Variants in CRIP1 observed in about 807,000 individuals in gnomAD.
CRIP1 encodes cysteine rich protein 1.
A neutral mutation model predicts 12.9 loss-of-function variants in CRIP1; 11 were observed. The ratio of observed to expected loss-of-function variants is 0.86; its 90% confidence interval spans 0.54 to 1.42. The LOEUF is 1.42. Among genes scored for constraint, CRIP1 ranks in the 40% most tolerant of loss-of-function variants. The pLI, the probability that CRIP1 is intolerant of heterozygous loss-of-function variation, is 0.00. For synonymous variants in CRIP1, 41 were observed against 37.2 expected (o/e 1.10, Z -0.37); for missense variants, 122 against 101.3 (o/e 1.20, Z -0.88).
Position 105,488,510 on chromosome 14 carries a change from A to G in CRIP1, c.233A>G (p.Ter78=), listed in dbSNP as rs782637357. The G allele has an allele frequency of 3.1e-6, 5 of 1,594,632 alleles. No homozygotes were observed. In the Admixed American group the frequency reaches 6.7e-5, roughly 21 times the overall value. The change falls in exon 5 of 6, where the codon TAA becomes TGA. Residue 78 remains the stop codon, a stop_retained_variant. Coordinates refer to ENST00000392531, the MANE Select transcript of CRIP1 (RefSeq NM_001311.5). ...GGAGCCGAGAGCCACACTTTCAAGT[A>G]AACCAGGTAGGTAGGACCCCACCCC... is the stretch of plus-strand genomic sequence containing the variant. ...RGGAESHTFK[*]
At position 105,487,244 on chromosome 14, in the gene CRIP1, C is replaced by G. The variant is rs904692807; in HGVS notation, c.-16C>G. ...CCGCCCCAGCCGCTGCCGCCTGCAC[C>G]GGACCCGGAGCCGTCATGCCCAAGT... On this transcript the variant is annotated 5_prime_UTR_variant, in exon 2 of 6. Coordinates refer to ENST00000392531, the MANE Select transcript of CRIP1 (RefSeq NM_001311.5). 12 of 1,543,756 alleles carry G rather than the reference C, an allele frequency of 7.8e-6. No homozygotes were observed. The highest frequency in any genetic ancestry group is 2.4e-5 in the South Asian group (2 of 83,324).
intron 1 of CRIP1, 23 bp downstream of exon 1, chr14:105,486,995 C>T: frequency 2.6e-6 from 3 of 1,146,236 alleles, no homozygotes; most frequent in Non-Finnish European, 3.1e-6. Context: ...GGCCCCCTGC[C>T]CCCCCGCGCT....
chr14:105,486,987 C>T lies in CRIP1; in HGVS notation c.-62+15C>T, dbSNP rs7160340. 0.95 allele frequency: 1,209,228 copies of T among 1,268,916 alleles called. 586,059 individuals carry two copies. Among genetic ancestry groups the T allele is most frequent in the East Asian group, 1 (29,956 of 30,052 alleles). The allele number at this position is 1,268,916 out of a possible 1,614,324, so 78.6% of individuals were successfully genotyped here. A position where few individuals can be genotyped will look rare whatever the true frequency, so the allele number is the denominator to read the frequency against. ...GCGCCCTCTCAGTAAGTCCCCATGG[C>T]CCCCTGCCCCCCCGCGCTCCGTCCT... On this transcript the variant is annotated intron_variant, in intron 1 of 5. Coordinates refer to ENST00000392531, the MANE Select transcript of CRIP1 (RefSeq NM_001311.5).
rs2084137385 is a variant in CRIP1, at chr14:105,487,921, G to A, written c.41-245G>A. The A allele has an allele frequency of 1.7e-5, 9 of 538,682 alleles. 1 individual carries two copies. In the South Asian group the frequency reaches 1.8e-4, roughly 11 times the overall value. 33.4% of individuals were successfully genotyped at this position (538,682 alleles called of 1,614,324 possible). ...CCAGCCTTCAGGAGCAAGATTCCCG[G>A]CCGCACCCGAAAGTGCCCCGGGGAC... On this transcript the variant is annotated intron_variant, in intron 2 of 5. Transcript: ENST00000392531.
Position 105,488,207 on chromosome 14 carries a change from T to C in CRIP1, c.82T>C (p.Cys28Arg). The C allele has an allele frequency of 3.7e-6, 6 of 1,613,286 alleles. No homozygotes were observed. Among genetic ancestry groups the C allele is most frequent in the Non-Finnish European group, 5.1e-6 (6 of 1,180,012 alleles). The change falls in exon 3 of 6, where the codon TGC becomes CGC. Residue 28 changes from cysteine to arginine, a missense_variant. Coordinates refer to ENST00000392531, the MANE Select transcript of CRIP1 (RefSeq NM_001311.5). Reference protein sequence around the residue: ...TSLGKDWHRPCLKCEKCGKTL... With the variant: ...TSLGKDWHRPRLKCEKCGKTL... ...TCTGGGCAAGGACTGGCATCGGCCC[T>C]GCCTGAAGTGCGAGAAATGTGGGAA... is the stretch of plus-strand genomic sequence containing the variant.
chr14:105,487,879 T>G (rs1426919947), intron 2 of CRIP1: 3 of 475,184 alleles, frequency 6.3e-6, no homozygotes, highest in Non-Finnish European at 1.2e-5. Flanking sequence ...ACCCTCGGCC[T>G]CGCCCTCTAG....
At chr14:105,487,533 C>G (rs901314766) in intron 2 of CRIP1, 9 of 500,082 alleles carry the variant, frequency 1.8e-5, no homozygotes, top group Non-Finnish European at 2.8e-5. Flanking sequence ...ACCTCTGGCT[C>G]TGAGCCTCCC....
chr14:105,488,498 A>G lies in CRIP1; in HGVS notation c.221A>G (p.His74Arg), dbSNP rs781813302. The G allele has an allele frequency of 1.9e-6, 3 of 1,568,568 alleles. No individual in the cohort carries two copies. Among genetic ancestry groups the G allele is most frequent in the Non-Finnish European group, 2.6e-6 (3 of 1,156,142 alleles). Reference protein sequence around the residue: ...KGFGRGGAESHTFK With the variant: ...KGFGRGGAESRTFK ...TTTGGGCGGGGCGGAGCCGAGAGCC[A>G]CACTTTCAAGTAAACCAGGTAGGTA... Residue 74 changes from histidine (H) to arginine (R), a missense_variant, in exon 5 of 6, where the codon CAC becomes CGC. Physicochemically the swap from His to Arg is conservative, Grantham distance 29. Coordinates refer to ENST00000392531, the MANE Select transcript of CRIP1 (RefSeq NM_001311.5).
Position 105,488,738 on chromosome 14 carries a change from A to T in CRIP1, c.*81A>T, listed in dbSNP as rs1429268056. 8.4e-6 allele frequency: 5 copies of T among 594,366 alleles called. No homozygotes were observed. The highest frequency in any genetic ancestry group is 1.5e-5 in the Non-Finnish European group (5 of 333,374). The allele number at this position is 594,366 out of a possible 1,614,324, so 36.8% of individuals were successfully genotyped here. A position where few individuals can be genotyped will look rare whatever the true frequency, so the allele number is the denominator to read the frequency against. On this transcript the variant is annotated 3_prime_UTR_variant, in exon 6 of 6. Transcript: ENST00000392531. ...TGCCAGGCCTTGTCCCCAGATGCCCAGGGCTCCCTTGTTGCCCCTAATGCT... is the reference window on the plus strand; with the variant it reads ...TGCCAGGCCTTGTCCCCAGATGCCCTGGGCTCCCTTGTTGCCCCTAATGCT...
Position 105,487,315 on chromosome 14 carries a change from C to T in CRIP1, c.40+16C>T, listed in dbSNP as rs1555438246. Reference sequence around the variant, plus strand: ...GTGTACTTCGGTGAGCGCGCCCACACCGGCCCCGCGAGGAGGCGCCGCCGA... The same window carrying T: ...GTGTACTTCGGTGAGCGCGCCCACATCGGCCCCGCGAGGAGGCGCCGCCGA... On this transcript the variant is annotated intron_variant, in intron 2 of 5. Coordinates refer to ENST00000392531, the MANE Select transcript of CRIP1 (RefSeq NM_001311.5). 1 of 1,538,682 alleles carries T rather than the reference C, an allele frequency of 6.5e-7. No homozygotes were observed. The highest frequency in any genetic ancestry group is 1.4e-5 in the African/African-American group (1 of 71,682).
At chr14:105,488,547 C>A in intron 5 of CRIP1, 31 bp downstream of exon 5, 2 of 1,562,126 alleles carry the variant, frequency 1.3e-6, no homozygotes, top group Non-Finnish European at 1.7e-6. Flanking sequence ...TATCCTGCCT[C>A]CTGGTTCCAC....
chr14:105,487,757 C>G (rs976043505), intron 2 of CRIP1: 1 of 221,438 alleles, frequency 4.5e-6, no homozygotes, highest in South Asian at 9.4e-5. Context: ...GGAAGTCACC[C>G]CTGTCCCCGC....
At chr14:105,487,528 TG>T in intron 2 of CRIP1, 1 of 505,924 alleles carries the variant, frequency 2.0e-6, no homozygotes, top group South Asian at 2.9e-5. Flanking sequence ...GGGCTACCTC[TG>T]GCTCTGAGCC....
chr14:105,487,524 C>T (rs942933704), intron 2 of CRIP1: 6 of 511,646 alleles, frequency 1.2e-5, no homozygotes, highest in Admixed American at 8.1e-5. Context: ...CGGCGGGCTA[C>T]CTCTGGCTCT....
At chr14:105,487,669 A>C in intron 2 of CRIP1, 5 of 210,318 alleles carry the variant, frequency 2.4e-5, no homozygotes, top group Admixed American at 5.9e-5. Context: ...CAGACGCGGA[A>C]ACCGACGCCC....
Position 105,488,703 on chromosome 14 carries a change from TC to T in CRIP1, c.*48del. ...TCCTTGGCTGCTTGCAGGGCCACTG[TC>T]CAGGCAAATGCCAGGCCTTGTCCCC... is the stretch of plus-strand genomic sequence containing the variant. On this transcript the variant is annotated 3_prime_UTR_variant, in exon 6 of 6. Coordinates refer to ENST00000392531, the MANE Select transcript of CRIP1 (RefSeq NM_001311.5). 1 of 641,442 alleles carries T rather than the reference TC, an allele frequency of 1.6e-6. No homozygotes were observed. The highest frequency in any genetic ancestry group is 2.0e-5 in the South Asian group (1 of 50,258). 39.7% of individuals were successfully genotyped at this position (641,442 alleles called of 1,614,324 possible). A position where few individuals can be genotyped will look rare whatever the true frequency, so the allele number is the denominator to read the frequency against.
chr14:105,487,515 G>C, intron 2 of CRIP1: 1 of 524,260 alleles, frequency 1.9e-6, no homozygotes, highest in Non-Finnish European at 3.4e-6. Flanking sequence ...TGCTGTGCTC[G>C]GCGGGCTACC....
chr14:105,488,647 G>C lies in CRIP1; in HGVS notation c.*6-16G>C, dbSNP rs782378236. ...GGACGCTGCACTCACGTCTGTGCCT[G>C]TCTCTCTCTGCACAGGTGGTGGAGA... is the stretch of plus-strand genomic sequence containing the variant. On this transcript the variant is annotated splice_polypyrimidine_tract_variant and intron_variant, in intron 5 of 5. Coordinates refer to ENST00000392531, the MANE Select transcript of CRIP1 (RefSeq NM_001311.5). The C allele has an allele frequency of 1.1e-6, 1 of 947,808 alleles. No individual in the cohort carries two copies. The highest frequency in any genetic ancestry group is 2.4e-5 in the Admixed American group (1 of 41,940). 58.7% of individuals were successfully genotyped at this position (947,808 alleles called of 1,614,324 possible). A position where few individuals can be genotyped will look rare whatever the true frequency, so the allele number is the denominator to read the frequency against.
chr14:105,488,292 A>T lies in CRIP1; in HGVS notation c.135+32A>T, dbSNP rs782512418. ...GGGACCCACCCTGGTGGCAGGGGCC[A>T]GGGGTGATGGCACCCCCTCACGGCC... On this transcript the variant is annotated intron_variant, in intron 3 of 5. Coordinates refer to ENST00000392531, the MANE Select transcript of CRIP1 (RefSeq NM_001311.5). 4.5e-5 allele frequency: 72 copies of T among 1,613,252 alleles called. No individual in the cohort carries two copies. In the East Asian group the frequency reaches 1.5e-3, roughly 34 times the overall value.
Sources: allele counts gnomAD v4.1 joint callset, GRCh38; gene constraint gnomAD v4.1.1; transcripts MANE v1.5; gene names NCBI Gene and HGNC (gene_info 2026-07-23, HGNC 2026-07-21).